The following FOXJ3 variants were observed in gnomAD, a reference collection of about 807,000 sequenced individuals.
FOXJ3 encodes forkhead box J3.
Under a neutral mutation model 76.1 loss-of-function variants are expected in FOXJ3, and 22 were observed. The ratio of observed to expected loss-of-function variants is 0.29; its 90% CI spans 0.21 to 0.41. FOXJ3 has a LOEUF of 0.41. Among genes scored for constraint, FOXJ3 ranks in the 10% least tolerant of loss-of-function variants. The probability of loss-of-function intolerance (pLI) is 1.00; values close to 1 mark genes in which losing one functional copy is unlikely to be tolerated. For missense variants in FOXJ3, 613 were observed against 762.1 expected (o/e 0.80, Z 2.30); for synonymous variants, 269 against 261.2 (o/e 1.03, Z -0.29).
At position 42,181,895 on chromosome 1, in the gene FOXJ3, T is replaced by A. The variant is rs111226507; in HGVS notation, c.1753+22A>T. The A allele has an allele frequency of 2.3e-3, 2,766 of 1,216,512 alleles. 10 individuals are homozygous for A. Among genetic ancestry groups the A allele is most frequent in the African/African-American group, 0.018 (980 of 53,354 alleles). The allele number at this position is 1,216,512 out of a possible 1,614,324, so 75.4% of individuals were successfully genotyped here. On this transcript the variant is annotated intron_variant, in intron 12 of 12. Transcript: ENST00000361346. ...CACACACACACACACACACACACAC[T>A]CACTCTCTCTCTCTCTCTTACCTGC...
At chr1:42,199,936 T>C (rs1646726641) in intron 6 of FOXJ3, among the ~76,000 whole-genome samples, 1 of 130,948 alleles carries the variant, frequency 7.6e-6, no homozygotes, top group Non-Finnish European at 1.5e-5. Context: ...AATAGAAAAC[T>C]AGCCTATTTG....
chr1:42,179,996 C>T (rs568999426), intron 12 of FOXJ3, among the ~76,000 whole-genome samples, 171 bp from the exon 13 acceptor site: 4 of 152,188 alleles, frequency 2.6e-5, no homozygotes, highest in South Asian at 4.2e-4. Flanking sequence ...TAAGGGGATA[C>T]GGTTTAAGAG....
At chr1:42,280,112 T>A (rs1190250109) in intron 2 of FOXJ3, among the ~76,000 whole-genome samples, 1 of 152,020 alleles carries the variant, frequency 6.6e-6, no homozygotes, top group African/African-American at 2.4e-5. Context: ...GTACTTATGG[T>A]CAAAATATTA....
intron 1 of FOXJ3, among the ~76,000 whole-genome samples, chr1:42,327,806 T>C (rs1334572750): frequency 6.6e-6 from 1 of 152,212 alleles, no homozygotes; most frequent in East Asian, 1.9e-4. Flanking sequence ...ACTATACCAC[T>C]GAGGAGGACT....
intron 3 of FOXJ3, among the ~76,000 whole-genome samples, chr1:42,274,634 G>A (rs115678845): frequency 0.018 from 2,669 of 152,200 alleles, 32 homozygotes; most frequent in Non-Finnish European, 0.027. Context: ...GCTATTGTGT[G>A]GCCTAAAGAG....
At chr1:42,330,042 C>T (rs1309822702) in intron 1 of FOXJ3, among the ~76,000 whole-genome samples, 3 of 151,910 alleles carry the variant, frequency 2.0e-5, no homozygotes, top group Non-Finnish European at 2.9e-5. Flanking sequence ...GTAAAACTAC[C>T]GTATTTATAA....
intron 4 of FOXJ3, among the ~76,000 whole-genome samples, chr1:42,255,245 G>A (rs1650484645): frequency 1.3e-5 from 2 of 152,182 alleles, no homozygotes; most frequent in African/African-American, 4.8e-5. Context: ...ATGGCAAGAG[G>A]TAGAGTAGGC....
At chr1:42,226,506 G>A (rs1436175978) in intron 5 of FOXJ3, among the ~76,000 whole-genome samples, 2 of 152,172 alleles carry the variant, frequency 1.3e-5, no homozygotes, top group East Asian at 3.9e-4. Flanking sequence ...CTACTTGGGA[G>A]GCTGAGTCAG....
chr1:42,255,455 C>T (rs79914459), intron 4 of FOXJ3, among the ~76,000 whole-genome samples: 5,924 of 152,120 alleles, frequency 0.039, 146 homozygotes, highest in South Asian at 0.092. Context: ...AATAAAGCAA[C>T]GTTAAGAACA....
intron 5 of FOXJ3, among the ~76,000 whole-genome samples, chr1:42,212,710 C>T (rs937762153): frequency 2.6e-5 from 4 of 151,812 alleles, no homozygotes; most frequent in African/African-American, 9.7e-5. Flanking sequence ...ACAAGAAGCT[C>T]AAAGAACTTC....
In FOXJ3 at chr1:42,199,226, G is replaced by T; in HGVS notation, c.635C>A (p.Thr212Lys). Reference protein sequence around the residue: ...LAINTVTNKVTLYNTDQDGSD... With the variant: ...LAINTVTNKVKLYNTDQDGSD... The stretch of plus-strand genomic sequence containing the variant: ...ACCATCCTGATCAGTGTTATACAAT[G>T]TTACCTAAAATGAAAAAAGAAAAAT... Residue 212 changes from threonine to lysine, a missense_variant, in exon 7 of 13, where the codon ACA becomes AAA. Thr to Lys is a moderately conservative substitution (Grantham distance 78). Transcript: ENST00000361346. 1 of 1,608,396 alleles carries T rather than the reference G, an allele frequency of 6.2e-7. No homozygotes were observed. The highest frequency in any genetic ancestry group is 1.1e-5 in the South Asian group (1 of 90,414).
chr1:42,212,559 C>G (rs1366014194), intron 5 of FOXJ3, among the ~76,000 whole-genome samples: 1 of 151,964 alleles, frequency 6.6e-6, no homozygotes, highest in Non-Finnish European at 1.5e-5. Flanking sequence ...AAGAAATGAA[C>G]AGTCTCCAAA....
At chr1:42,295,519 CTTTTTTTTTTTT>C (rs34641810) in intron 2 of FOXJ3, among the ~76,000 whole-genome samples, 3 of 79,042 alleles carry the variant, frequency 3.8e-5, no homozygotes, top group African/African-American at 5.3e-5. Flanking sequence ...CTACAAGTGT[CTTTTTTTTTTTT>C]TTTTTTTTTT....
intron 2 of FOXJ3, among the ~76,000 whole-genome samples, chr1:42,297,987 C>T (rs1270919782): frequency 1.3e-5 from 2 of 152,094 alleles, no homozygotes; most frequent in African/African-American, 4.8e-5. Context: ...CCAAATCTCA[C>T]CTCGTAGTTC....
chr1:42,300,018 T>C (rs535007593), intron 2 of FOXJ3, among the ~76,000 whole-genome samples: 16 of 152,040 alleles, frequency 1.1e-4, no homozygotes, highest in African/African-American at 3.4e-4. Context: ...CTGGCCAATA[T>C]GGTGAAATTC....
chr1:42,294,937 T>C (rs1248511462), intron 2 of FOXJ3, among the ~76,000 whole-genome samples: 4 of 152,226 alleles, frequency 2.6e-5, no homozygotes, highest in Non-Finnish European at 4.4e-5. Flanking sequence ...CTTAGTTCCA[T>C]TTCAAGAGAA....
intron 4 of FOXJ3, among the ~76,000 whole-genome samples, chr1:42,260,630 C>T (rs1048869744): frequency 1.3e-5 from 2 of 152,126 alleles, no homozygotes; most frequent in African/African-American, 2.4e-5. Flanking sequence ...GCTATGAGAG[C>T]ACCACTGCAC....
At chr1:42,236,728 T>C (rs1430669440) in intron 4 of FOXJ3, among the ~76,000 whole-genome samples, 1 of 152,216 alleles carries the variant, frequency 6.6e-6, no homozygotes, top group African/African-American at 2.4e-5. Context: ...TTTTCTAGCA[T>C]TTCATACAAG....
chr1:42,250,396 C>T (rs997810372), intron 4 of FOXJ3, among the ~76,000 whole-genome samples: 2 of 152,120 alleles, frequency 1.3e-5, no homozygotes, highest in Non-Finnish European at 2.9e-5. Context: ...GAAGCAGAGT[C>T]TCCTATGCAT....
Sources: gnomAD v4.1 joint callset for allele counts (sites outside exome capture counted in the v4.1 genomes callset) on GRCh38, gnomAD v4.1.1 for gene constraint, MANE v1.5 for transcripts, NCBI Gene and HGNC (gene_info 2026-07-23, HGNC 2026-07-21) for gene names.